The following LRMDA variants were observed in gnomAD, a reference collection of about 807,000 sequenced individuals.
LRMDA encodes leucine rich melanocyte differentiation associated, also known as leucine-rich melanocyte differentiation-associated protein.
LRMDA carries 18 observed loss-of-function variants against 29.8 expected under a neutral mutation model. The ratio of observed to expected loss-of-function variants is 0.60; its 90% CI spans 0.42 to 0.90. The LOEUF (loss-of-function observed/expected upper bound fraction) is 0.90, where lower values mean the gene tolerates loss of function less well. Among genes scored for constraint, LRMDA ranks in the 40% least tolerant of loss-of-function variants. The probability of loss-of-function intolerance (pLI) is 0.00; values close to 1 mark genes in which losing one functional copy is unlikely to be tolerated. For missense variants in LRMDA, 273 were observed against 273.9 expected (o/e 1.00, Z 0.02); for synonymous variants, 125 against 109.4 (o/e 1.14, Z -0.89).
At chr10:75,441,545 G>A (rs1445112725) in intron 2 of LRMDA, among the ~76,000 whole-genome samples, 1 of 152,112 alleles carries the variant, frequency 6.6e-6, no homozygotes, top group Admixed American at 6.5e-5. Flanking sequence ...AATTTTTTGG[G>A]TTCTCCTTGC....
intron 5 of LRMDA, among the ~76,000 whole-genome samples, chr10:76,124,477 G>A (rs1241655741): frequency 6.6e-6 from 1 of 152,226 alleles, no homozygotes. Context: ...ACAAACAGTG[G>A]AGTAATGTGT....
At chr10:75,450,344 C>CTG (rs1844446837) in intron 2 of LRMDA, 1 of 152,186 alleles carries the variant, frequency 6.6e-6, no homozygotes, top group African/African-American at 2.4e-5. Context: ...TGCACCACCT[C>CTG]CCCTAAGCTC....
intron 5 of LRMDA, among the ~76,000 whole-genome samples, chr10:76,108,910 T>C (rs1419591269): frequency 1.3e-5 from 2 of 152,242 alleles, no homozygotes; most frequent in Non-Finnish European, 2.9e-5. Context: ...TTTTTCTGTT[T>C]TCCATTTCCC....
chr10:76,063,648 C>T (rs955631668), intron 5 of LRMDA, among the ~76,000 whole-genome samples: 2 of 152,044 alleles, frequency 1.3e-5, no homozygotes, highest in African/African-American at 4.8e-5. Flanking sequence ...AAGAAATAAA[C>T]TTTGGAGTAC....
At chr10:76,230,369 C>CT (rs1203174578) in intron 5 of LRMDA, among the ~76,000 whole-genome samples, 1 of 151,930 alleles carries the variant, frequency 6.6e-6, no homozygotes. Context: ...GGAGAATATA[C>CT]TTTTTTGGAT....
chr10:76,173,671 T>A (rs1389564269), intron 5 of LRMDA, among the ~76,000 whole-genome samples: 1 of 152,204 alleles, frequency 6.6e-6, no homozygotes, highest in East Asian at 1.9e-4. Flanking sequence ...ATTTATAATT[T>A]TTTTTTTGAG....
rs904698412 is a variant in LRMDA, at chr10:75,751,332, C to T, written c.132-284676C>T. On this transcript the variant is annotated intron_variant, in intron 2 of 6. Transcript: ENST00000611255. ...GAGAGAGGGAGAGGGAGAGGGAGAC[C>T]GGGGAGAGGGAGAGGGAGACTGGGG... Among the ~76,000 whole-genome samples, 6 of 139,938 alleles carry T rather than the reference C, an allele frequency of 4.3e-5. No homozygotes were observed. In the South Asian group the frequency reaches 1.2e-3, roughly 28 times the overall value. 91.8% of individuals were successfully genotyped at this position (139,938 alleles called of 152,430 possible). A position where few individuals can be genotyped will look rare whatever the true frequency, so the allele number is the denominator to read the frequency against.
chr10:75,501,585 T>A (rs754285354), intron 2 of LRMDA, among the ~76,000 whole-genome samples: 3 of 152,150 alleles, frequency 2.0e-5, no homozygotes, highest in Non-Finnish European at 4.4e-5. Context: ...TATGGTGAAA[T>A]TTTTATCCTA....
At chr10:76,254,355 T>C (rs201761518) in intron 5 of LRMDA, among the ~76,000 whole-genome samples, 6,480 of 86,264 alleles carry the variant, frequency 0.075, 221 homozygotes, top group East Asian at 0.26. Context: ...TATCCTATCC[T>C]ATCCTATGCT....
At chr10:76,403,675 G>T (rs910353142) in intron 6 of LRMDA, among the ~76,000 whole-genome samples, 2 of 152,134 alleles carry the variant, frequency 1.3e-5, no homozygotes, top group South Asian at 4.1e-4. Context: ...ATTTTGAAGA[G>T]TTTCAGCTTG....
At chr10:76,009,577 AG>A (rs1349411398) in intron 2 of LRMDA, among the ~76,000 whole-genome samples, 3 of 152,154 alleles carry the variant, frequency 2.0e-5, no homozygotes, top group Non-Finnish European at 4.4e-5. Context: ...CGACAGAGCC[AG>A]GGACTCTCTG....
At chr10:75,951,309 A>C (rs994200478) in intron 2 of LRMDA, among the ~76,000 whole-genome samples, 16 of 152,202 alleles carry the variant, frequency 1.1e-4, no homozygotes, top group African/African-American at 3.6e-4. Context: ...AGCAGGCAGT[A>C]ATAATCTGGG....
chr10:75,694,180 A>G (rs1842204666), intron 2 of LRMDA, among the ~76,000 whole-genome samples: 1 of 152,198 alleles, frequency 6.6e-6, no homozygotes, highest in Non-Finnish European at 1.5e-5. Flanking sequence ...TTTATAATAC[A>G]CAGTTAAACA....
At chr10:75,749,788 G>A (rs959253919) in intron 2 of LRMDA, among the ~76,000 whole-genome samples, 1 of 152,150 alleles carries the variant, frequency 6.6e-6, no homozygotes, top group African/African-American at 2.4e-5. Flanking sequence ...CTTCCGCAGT[G>A]TTTGTGTCCC....
intron 6 of LRMDA, among the ~76,000 whole-genome samples, chr10:76,369,317 T>C (rs1486356186): frequency 6.6e-6 from 1 of 152,160 alleles, no homozygotes; most frequent in Admixed American, 6.6e-5. Flanking sequence ...TTGGTAATGG[T>C]GAGTTCTCTC....
intron 2 of LRMDA, among the ~76,000 whole-genome samples, chr10:75,565,994 G>T (rs1840367615): frequency 1.3e-5 from 2 of 152,166 alleles, no homozygotes; most frequent in African/African-American, 4.8e-5. Context: ...AGAATTGCTT[G>T]AGCCTGGAAG....
chr10:76,303,864 G>C (rs376865427), intron 5 of LRMDA, among the ~76,000 whole-genome samples: 36 of 152,096 alleles, frequency 2.4e-4, no homozygotes, highest in African/African-American at 7.2e-4. Flanking sequence ...TAACACGCTC[G>C]CTTTCATCTG....
chr10:76,225,901 G>A (rs982589573), intron 5 of LRMDA, among the ~76,000 whole-genome samples: 1 of 77,950 alleles, frequency 1.3e-5, no homozygotes, highest in East Asian at 3.5e-4. Flanking sequence ...AACAGCCCCC[G>A]GTGTGTGATG....
rs1235964100 is a variant in LRMDA, at chr10:75,670,186, T to C, written c.131+231692T>C. Among the ~76,000 whole-genome samples the C allele has an allele frequency of 4.6e-5, 7 of 152,296 alleles. No individual in the cohort carries two copies. The East Asian group carries it at 1.2e-3, about 25-fold the overall frequency. ...CTACTTGTTCTCAGAATATTAACAG[T>C]GTAAGTGACCTTTGGGAAGGAAAAC... is the stretch of plus-strand genomic sequence containing the variant. On this transcript the variant is annotated intron_variant, in intron 2 of 6. Coordinates refer to ENST00000611255, the MANE Select transcript of LRMDA (RefSeq NM_001305581.2).
Sources: gnomAD v4.1 joint callset for allele counts (sites outside exome capture counted in the v4.1 genomes callset) on GRCh38, gnomAD v4.1.1 for gene constraint, MANE v1.5 for transcripts, NCBI Gene and HGNC (gene_info 2026-07-23, HGNC 2026-07-21) for gene names.